Variants in RABGAP1L observed in about 807,000 individuals in gnomAD.
RABGAP1L encodes the protein RAB GTPase activating protein 1 like, also known as rab GTPase-activating protein 1-like.
A neutral mutation model predicts 137.7 loss-of-function variants in RABGAP1L; 63 were observed. That is an observed-to-expected ratio of 0.46 (90% CI 0.37 to 0.56). The LOEUF is 0.56. RABGAP1L is among the 20% of genes least tolerant of loss of function. RABGAP1L has a pLI of 0.00. For missense variants in RABGAP1L, 1,095 were observed against 1,244.0 expected, an observed-to-expected ratio of 0.88 and a Z score of 1.80; for synonymous variants, 431 against 433.7, an observed-to-expected ratio of 0.99 and a Z score of 0.08.
rs1328622494 is a variant in RABGAP1L, at chr1:174,633,942, C to T, written c.1711-3433C>T. Among the ~76,000 whole-genome samples, 13 of 94,268 alleles carry T rather than the reference C, an allele frequency of 1.4e-4. No individual in the cohort carries two copies. The East Asian group carries it at 3.1e-3, about 22-fold the overall frequency. The allele number at this position is 94,268 out of a possible 152,430, so 61.8% of individuals were successfully genotyped here. A position where few individuals can be genotyped will look rare whatever the true frequency, so the allele number is the denominator to read the frequency against. Reference sequence around the variant, plus strand: ...AAACCATAAAAACCCTAGAAGAAAACCTAGGCATTACCATTCAGGACATAG... The same window carrying T: ...AAACCATAAAAACCCTAGAAGAAAATCTAGGCATTACCATTCAGGACATAG... On this transcript the variant is annotated intron_variant, in intron 13 of 25. Transcript: ENST00000681986.
At chr1:174,166,875 G>A (rs1324370906) in intron 1 of RABGAP1L, among the ~76,000 whole-genome samples, 2 of 152,214 alleles carry the variant, frequency 1.3e-5, no homozygotes, top group Non-Finnish European at 2.9e-5. Flanking sequence ...TTTTGGAAAT[G>A]TTGGTAAAGA....
rs754801008 is a variant in RABGAP1L, at chr1:174,811,815, T to C, written c.2212-17T>C. On this transcript the variant is annotated splice_polypyrimidine_tract_variant and intron_variant, in intron 18 of 25. Coordinates refer to ENST00000681986, the MANE Select transcript of RABGAP1L (RefSeq NM_001366446.1). ...CAGGCTGAAATGTAATGACGATTCT[T>C]GATGATTATTTTGCAGACCTCAAAG... 4 of 1,532,240 alleles carry C rather than the reference T, an allele frequency of 2.6e-6. No homozygotes were observed. The highest frequency in any genetic ancestry group is 3.5e-6 in the Non-Finnish European group (4 of 1,142,336). 94.9% of individuals were successfully genotyped at this position (1,532,240 alleles called of 1,614,324 possible). A position where few individuals can be genotyped will look rare whatever the true frequency, so the allele number is the denominator to read the frequency against.
At chr1:174,445,015 A>C (rs1654589199) in intron 13 of RABGAP1L, among the ~76,000 whole-genome samples, 1 of 152,020 alleles carries the variant, frequency 6.6e-6, no homozygotes, top group African/African-American at 2.4e-5. Flanking sequence ...TGCTTTCTTC[A>C]TTTGGAAAAT....
At chr1:174,642,264 A>G (rs1326312570) in intron 14 of RABGAP1L, among the ~76,000 whole-genome samples, 2 of 152,170 alleles carry the variant, frequency 1.3e-5, no homozygotes, top group Non-Finnish European at 2.9e-5. Flanking sequence ...TGATAGCATA[A>G]TGGTTTATAG....
intron 13 of RABGAP1L, among the ~76,000 whole-genome samples, chr1:174,549,403 A>C (rs1363489946): frequency 6.6e-6 from 1 of 152,198 alleles, no homozygotes; most frequent in Non-Finnish European, 1.5e-5. Flanking sequence ...CTTGAAAGAT[A>C]ACATAAGAAA....
chr1:174,988,436 A>T (rs1671792357), intron 24 of RABGAP1L, among the ~76,000 whole-genome samples: 1 of 152,200 alleles, frequency 6.6e-6, no homozygotes, highest in Admixed American at 6.5e-5. Flanking sequence ...ATTTCTAGAG[A>T]TACTTCAGGA....
intron 13 of RABGAP1L, among the ~76,000 whole-genome samples, chr1:174,474,040 T>C (rs1245987142): frequency 1.3e-5 from 2 of 152,242 alleles, no homozygotes; most frequent in Non-Finnish European, 2.9e-5. Context: ...TATACATAAA[T>C]GTTTGTGTTG....
chr1:174,702,024 A>T (rs1679702390), intron 16 of RABGAP1L, 89 bp from the exon 17 acceptor site: 1 of 1,195,246 alleles, frequency 8.4e-7, no homozygotes, highest in Non-Finnish European at 1.2e-6. Flanking sequence ...GATCATAGAA[A>T]GCTGTTTGTA....
intron 7 of RABGAP1L, among the ~76,000 whole-genome samples, chr1:174,266,760 A>C (rs575988959): frequency 6.6e-6 from 1 of 152,302 alleles, no homozygotes; most frequent in African/African-American, 2.4e-5. Flanking sequence ...TAATAAATCC[A>C]TTTGACATTT....
intron 19 of RABGAP1L, among the ~76,000 whole-genome samples, chr1:174,937,478 G>A (rs549132552): frequency 1.4e-5 from 2 of 147,266 alleles, no homozygotes; most frequent in South Asian, 4.3e-4. Flanking sequence ...TAGAGATGGG[G>A]TTTCACCATG....
At chr1:174,646,668 T>C (rs1202175130) in intron 14 of RABGAP1L, among the ~76,000 whole-genome samples, 1 of 152,172 alleles carries the variant, frequency 6.6e-6, no homozygotes, top group African/African-American at 2.4e-5. Flanking sequence ...TTGTTCTATT[T>C]GCTTAGGATT....
At chr1:174,344,653 G>C (rs946145584) in intron 11 of RABGAP1L, among the ~76,000 whole-genome samples, 1 of 152,166 alleles carries the variant, frequency 6.6e-6, no homozygotes, top group African/African-American at 2.4e-5. Context: ...AATACCTTGT[G>C]AGTGCACTGG....
At chr1:174,980,630 A>G (rs1473433484) in intron 23 of RABGAP1L, among the ~76,000 whole-genome samples, 1 of 152,232 alleles carries the variant, frequency 6.6e-6, no homozygotes, top group Non-Finnish European at 1.5e-5. Flanking sequence ...AGATTCCGGT[A>G]CAAAAGAGAA....
chr1:174,724,540 C>A (rs1005908243), intron 17 of RABGAP1L, among the ~76,000 whole-genome samples: 6 of 152,254 alleles, frequency 3.9e-5, no homozygotes, highest in Non-Finnish European at 8.8e-5. Flanking sequence ...AATATCTCAT[C>A]AACTTAACAT....
chr1:174,635,722 T>C (rs1673961330), intron 13 of RABGAP1L, among the ~76,000 whole-genome samples: 1 of 152,184 alleles, frequency 6.6e-6, no homozygotes, highest in Non-Finnish European at 1.5e-5. Flanking sequence ...ATATGTTCAA[T>C]GTTTGCTAGG....
chr1:174,917,887 G>A (rs367787131), intron 19 of RABGAP1L, among the ~76,000 whole-genome samples: 7 of 149,818 alleles, frequency 4.7e-5, no homozygotes, highest in South Asian at 2.1e-4. Flanking sequence ...TGCTGAGATC[G>A]TGCCACTAGC....
intron 17 of RABGAP1L, among the ~76,000 whole-genome samples, chr1:174,737,648 A>G (rs1040327457): frequency 2.0e-5 from 3 of 152,016 alleles, no homozygotes; most frequent in Non-Finnish European, 4.4e-5. Context: ...ACCAATTTTT[A>G]TGTTACACCA....
chr1:174,562,532 T>G (rs1667290409), intron 13 of RABGAP1L, among the ~76,000 whole-genome samples: 1 of 152,188 alleles, frequency 6.6e-6, no homozygotes, highest in South Asian at 2.1e-4. Context: ...TATCAGTCAT[T>G]CTGCTATAAA....
At chr1:174,363,594 G>A (rs1487813850) in intron 11 of RABGAP1L, among the ~76,000 whole-genome samples, 3 of 152,126 alleles carry the variant, frequency 2.0e-5, no homozygotes, top group Non-Finnish European at 4.4e-5. Context: ...TTGGTTAACA[G>A]TGGTGACAGT....
Sources: gnomAD v4.1 joint callset for allele counts (sites outside exome capture counted in the v4.1 genomes callset) on GRCh38, gnomAD v4.1.1 for gene constraint, MANE v1.5 for transcripts, NCBI Gene and HGNC (gene_info 2026-07-23, HGNC 2026-07-21) for gene names.